Variants in BRAP observed in about 807,000 individuals in gnomAD.
The protein encoded by BRAP is BRCA1-associated protein.
Under a neutral mutation model 73.4 loss-of-function variants are expected in BRAP, and 42 were observed. That is an observed-to-expected ratio of 0.57 (90% CI 0.45 to 0.74). BRAP has a LOEUF of 0.74. BRAP is among the 30% of genes least tolerant of loss of function. The probability of loss-of-function intolerance (pLI) is 0.00; values close to 1 mark genes in which losing one functional copy is unlikely to be tolerated. For missense variants in BRAP, 593 were observed against 751.4 expected (o/e 0.79, Z 2.46); for synonymous variants, 255 against 267.4 (o/e 0.95, Z 0.45).
chr12:111,675,914 GAAC>G (rs1226523716), intron 4 of BRAP, among the ~76,000 whole-genome samples: 1 of 151,958 alleles, frequency 6.6e-6, no homozygotes, highest in Non-Finnish European at 1.5e-5. Context: ...CTGCCCCCAA[GAAC>G]AACAAAATTG....
rs1445387458 is a variant in BRAP at position 111,660,620 on chromosome 12, A to G, written c.952T>C (p.Phe318Leu). The change falls in exon 7 of 12, where the codon TTT (phenylalanine) becomes CTT (leucine). Residue 318 changes from phenylalanine (F) to leucine (L), a missense_variant. This residue lies in a region of BRAP where 67 missense variants were observed against 158.0 expected (regional missense o/e 0.42). Coordinates refer to ENST00000419234, the MANE Select transcript of BRAP (RefSeq NM_006768.5). ...CTTACTTCCTGAACACCACACTCAA[A>G]ACACTTATTTTCTTCTACTGGCTCG... is the stretch of plus-strand genomic sequence containing the variant. Reference protein sequence around the residue: ...TPEPVEENKCFECGVQENLWI... With the variant: ...TPEPVEENKCLECGVQENLWI... The G allele has an allele frequency of 2.5e-6, 4 of 1,606,164 alleles. No homozygotes were observed. The African/African-American group carries it at 5.4e-5, about 21-fold the overall frequency.
intron 5 of BRAP, among the ~76,000 whole-genome samples, chr12:111,669,038 T>C (rs751718114): frequency 2.6e-4 from 40 of 152,070 alleles, no homozygotes; most frequent in Non-Finnish European, 5.0e-4. Flanking sequence ...ACAAAACAAA[T>C]GCCTATAAGG....
intron 10 of BRAP, among the ~76,000 whole-genome samples, chr12:111,650,902 G>T (rs1012696566): frequency 6.6e-6 from 1 of 152,046 alleles, no homozygotes; most frequent in African/African-American, 2.4e-5. Context: ...AAACATAAGA[G>T]AATTAAAAAA....
At chr12:111,644,929 G>C (rs1886052819) in intron 11 of BRAP, among the ~76,000 whole-genome samples, 1 of 151,766 alleles carries the variant, frequency 6.6e-6, no homozygotes, top group South Asian at 2.1e-4. Flanking sequence ...GCTAATTTTT[G>C]TATTTTGAGT....
chr12:111,664,473 T>G (rs1371522819), intron 6 of BRAP, among the ~76,000 whole-genome samples: 1 of 152,120 alleles, frequency 6.6e-6, no homozygotes, highest in African/African-American at 2.4e-5. Flanking sequence ...AACTGGACAA[T>G]TCCTTGGAAA....
Position 111,683,041 on chromosome 12 carries a change from A to G in BRAP, c.244+105T>C, listed in dbSNP as rs1053576953. The G allele has an allele frequency of 4.6e-6, 6 of 1,305,558 alleles. No homozygotes were observed. The Admixed American group carries it at 9.2e-5, about 20-fold the overall frequency. The allele number at this position is 1,305,558 out of a possible 1,614,324, so 80.9% of individuals were successfully genotyped here. A position where few individuals can be genotyped will look rare whatever the true frequency, so the allele number is the denominator to read the frequency against. On this transcript the variant is annotated intron_variant, in intron 2 of 11. Transcript: ENST00000419234. The stretch of plus-strand genomic sequence containing the variant: ...TAAAGCACACACGTAGTGAAAGACA[A>G]AAGTATGCTAGATGTTGAAATTGTA...
chr12:111,656,811 G>A (rs1886554168), intron 9 of BRAP, among the ~76,000 whole-genome samples: 1 of 152,014 alleles, frequency 6.6e-6, no homozygotes, highest in Non-Finnish European at 1.5e-5. Context: ...ACGACTCACT[G>A]CAACCTCAAC....
chr12:111,682,927 G>T (rs1479397961), intron 2 of BRAP, among the ~76,000 whole-genome samples: 1 of 151,580 alleles, frequency 6.6e-6, no homozygotes, highest in Non-Finnish European at 1.5e-5. Context: ...AGTCCCCCCC[G>T]TCACTGAACT....
intron 4 of BRAP, among the ~76,000 whole-genome samples, chr12:111,677,357 C>T (rs1357114535): frequency 6.6e-6 from 1 of 152,180 alleles, no homozygotes; most frequent in Non-Finnish European, 1.5e-5. Flanking sequence ...TCACAAACAA[C>T]CGCCTCCCTT....
chr12:111,670,118 T>C (rs537922522), intron 5 of BRAP: 5 of 619,952 alleles, frequency 8.1e-6, no homozygotes, highest in South Asian at 7.0e-5. Context: ...TTGATCCAAG[T>C]TTGATGGATA....
rs190116321 is a variant in BRAP at position 111,644,182 on chromosome 12, G to A, written c.*17C>T. The A allele has an allele frequency of 8.3e-4, 1,325 of 1,601,414 alleles. 1 individual carries two copies. Among genetic ancestry groups the A allele is most frequent in the Admixed American group, 9.7e-4 (58 of 59,874 alleles). On this transcript the variant is annotated 3_prime_UTR_variant, in exon 12 of 12. Transcript: ENST00000419234. ...TGTCAGGGAGAACAGTCTCAGGGAT[G>A]TCTGTTGCTCTGAAGGTCACTTGCC...
chr12:111,646,453 C>G (rs190279738), intron 11 of BRAP, among the ~76,000 whole-genome samples: 2 of 152,074 alleles, frequency 1.3e-5, no homozygotes, highest in Non-Finnish European at 2.9e-5. Flanking sequence ...TAAACTCTTT[C>G]GAAGACAACT....
intron 9 of BRAP, among the ~76,000 whole-genome samples, chr12:111,656,585 G>A (rs1295670268): frequency 1.3e-5 from 2 of 152,172 alleles, no homozygotes; most frequent in African/African-American, 4.8e-5. Flanking sequence ...GACTAGAAGA[G>A]ATATAAACAT....
intron 11 of BRAP, among the ~76,000 whole-genome samples, chr12:111,647,666 C>A (rs1282643176): frequency 5.9e-5 from 9 of 151,874 alleles, no homozygotes; most frequent in Non-Finnish European, 1.3e-4. Context: ...AGCACTTTAG[C>A]AGGCGGATCA....
In BRAP at chr12:111,665,848, T is replaced by A; in HGVS notation, c.748-61A>T. 3.1e-6 allele frequency: 5 copies of A among 1,601,492 alleles called. No homozygotes were observed. The highest frequency in any genetic ancestry group is 4.3e-6 in the Non-Finnish European group (5 of 1,170,246). ...TCTACCAGCAATACTTTATTTTTCC[T>A]TCTTTTTTCTGAGACAGGGTCTCGC... On this transcript the variant is annotated intron_variant, in intron 5 of 11. Transcript: ENST00000419234. This position sits in a 1 kb window ranked among gnomAD's most constrained non-coding sequence, Gnocchi z 4.3.
chr12:111,666,636 A>G (rs1218728836), intron 5 of BRAP, among the ~76,000 whole-genome samples: 1 of 152,206 alleles, frequency 6.6e-6, no homozygotes, highest in Non-Finnish European at 1.5e-5. Flanking sequence ...AGGAAGCCAC[A>G]ACAGGGTGTG....
Position 111,644,575 on chromosome 12 carries a change from AAAGG to A in BRAP, c.1416-17_1416-14del. 3 of 1,607,560 alleles carry A rather than the reference AAAGG, an allele frequency of 1.9e-6. No homozygotes were observed. In the South Asian group the frequency reaches 3.3e-5, roughly 18 times the overall value. The stretch of plus-strand genomic sequence containing the variant: ...TAGCTGAGTGCACCTTTTGAAAAAC[AAAGG>A]AAGACAAAAGCACATTTTTCATTTG... On this transcript the variant is annotated splice_polypyrimidine_tract_variant and intron_variant, in intron 11 of 11. Coordinates refer to ENST00000419234, the MANE Select transcript of BRAP (RefSeq NM_006768.5).
In BRAP at chr12:111,655,599, C is replaced by G; in HGVS notation, c.1278G>C (p.Lys426Asn). The G allele has an allele frequency of 6.2e-7, 1 of 1,613,830 alleles. No individual in the cohort carries two copies. Among genetic ancestry groups the G allele is most frequent in the Non-Finnish European group, 8.5e-7 (1 of 1,179,732 alleles). ...LESQRIYWEN[K>N]IVRIEKDTAE... is the part of the protein sequence containing the mutation. ...CTGTGTCCTTCTCTATCCGAACTAT[C>G]TTGTTTTCCCAGTAGATTCGCTGAG... is the stretch of plus-strand genomic sequence containing the variant. The change falls in exon 10 of 12, where the codon AAG becomes AAC. Residue 426 changes from lysine (K) to asparagine (N), a missense_variant. Around this residue, in one of 4 missense-constraint regions of BRAP, gnomAD observed 143 missense variants for 190.4 expected, o/e 0.75. Coordinates refer to ENST00000419234, the MANE Select transcript of BRAP (RefSeq NM_006768.5).
chr12:111,651,636 T>C (rs1043770823), intron 10 of BRAP, among the ~76,000 whole-genome samples: 1 of 132,690 alleles, frequency 7.5e-6, no homozygotes, highest in Non-Finnish European at 1.6e-5. Flanking sequence ...ATTTCTTTTC[T>C]TTTTTTTTTT....
Sources: gnomAD v4.1 joint callset for allele counts (sites outside exome capture counted in the v4.1 genomes callset) on GRCh38, gnomAD v4.1.1 for gene constraint, gnomAD v4.1.1 regional missense constraint, Gnocchi (gnomAD v3.1) non-coding constraint, MANE v1.5 for transcripts, NCBI Gene and HGNC (gene_info 2026-07-23, HGNC 2026-07-21) for gene names.